The following APBA2 variants were observed in gnomAD, a reference collection of about 807,000 sequenced individuals.
APBA2 encodes the protein amyloid beta precursor protein binding family A member 2.
A neutral mutation model predicts 75.0 loss-of-function variants in APBA2; 30 were observed. The observed-to-expected ratio is 0.40, with a 90% CI of 0.30 to 0.54. The LOEUF (loss-of-function observed/expected upper bound fraction) is 0.54. APBA2 is among the 20% of genes least tolerant of loss of function. The pLI is 0.49. For missense variants in APBA2, 801 were observed against 1,016.1 expected (o/e 0.79, Z 2.88); for synonymous variants, 444 against 409.6 (o/e 1.08, Z -1.01).
intron 2 of APBA2, among the ~76,000 whole-genome samples, chr15:28,948,642 C>G (rs1285700526): frequency 6.6e-6 from 1 of 152,190 alleles, no homozygotes; most frequent in African/African-American, 2.4e-5. Context: ...CTGTCGTGTT[C>G]TGTCTGTGTC....
intron 4 of APBA2, among the ~76,000 whole-genome samples, chr15:29,060,544 T>C (rs139699186): frequency 9.5e-4 from 144 of 152,304 alleles, no homozygotes; most frequent in Non-Finnish European, 2.0e-3. Flanking sequence ...TCTCTTCTCC[T>C]CTGTTGTCTG....
rs563960469 is a variant in APBA2, at chr15:29,046,638, T to C, written c.-40-7207T>C. ...TGAGAACCACCTGCAGCTCTAGACC[T>C]GGCCTTTGGCCCACAACCTTGGAAT... On this transcript the variant is annotated intron_variant, in intron 3 of 14. Transcript: ENST00000683413. This position sits in a 1 kb window ranked among gnomAD's most constrained non-coding sequence, Gnocchi z 5.0. 3.3e-5 allele frequency among the ~76,000 whole-genome samples: 5 copies of C among 152,262 alleles called. No homozygotes were observed. Among genetic ancestry groups the C allele is most frequent in the African/African-American group, 7.2e-5 (3 of 41,480 alleles).
intron 13 of APBA2, among the ~76,000 whole-genome samples, chr15:29,111,563 C>T (rs1378417328): frequency 6.6e-6 from 1 of 152,194 alleles, no homozygotes; most frequent in African/African-American, 2.4e-5. Context: ...CAGTCACCAT[C>T]TCTGAGTGGC....
Position 29,061,086 on chromosome 15 carries a change from G to A in APBA2, c.951+6251G>A, listed in dbSNP as rs190872416. Reference sequence around the variant, plus strand: ...CACACTCCTGGGGGGCACCATAAGAGCGTTTGTCCAGCACCAAAGATCCTA... The same window carrying A: ...CACACTCCTGGGGGGCACCATAAGAACGTTTGTCCAGCACCAAAGATCCTA... On this transcript the variant is annotated intron_variant, in intron 4 of 14. Transcript: ENST00000683413. Among the ~76,000 whole-genome samples the A allele has an allele frequency of 2.0e-3, 300 of 152,314 alleles. 2 individuals carry two copies. The highest frequency in any genetic ancestry group is 6.8e-3 in the African/African-American group (283 of 41,570).
chr15:29,067,680 C>T (rs1181067182), intron 4 of APBA2, among the ~76,000 whole-genome samples: 1 of 152,210 alleles, frequency 6.6e-6, no homozygotes, highest in African/African-American at 2.4e-5. Flanking sequence ...GCCATCCTCT[C>T]GCCTTTTCCA....
At chr15:29,027,947 AT>A (rs1428809363) in intron 3 of APBA2, among the ~76,000 whole-genome samples, 1 of 144,880 alleles carries the variant, frequency 6.9e-6, no homozygotes. Flanking sequence ...TTTCACTTTT[AT>A]TTCTTAGACT....
At chr15:29,076,210 G>T (rs2042844171) in intron 6 of APBA2, 119 bp downstream of exon 6, 2 of 1,102,554 alleles carry the variant, frequency 1.8e-6, no homozygotes, top group Non-Finnish European at 1.4e-6. Context: ...CTACCTACCA[G>T]CAAGGTGCTT....
intron 13 of APBA2, among the ~76,000 whole-genome samples, chr15:29,109,731 A>G (rs534259174): frequency 2.0e-5 from 3 of 152,322 alleles, no homozygotes; most frequent in Non-Finnish European, 4.4e-5. Context: ...AGCGTCAGCC[A>G]TACCTTCCCT....
chr15:28,957,096 G>A (rs2036209057), intron 2 of APBA2, among the ~76,000 whole-genome samples: 1 of 151,378 alleles, frequency 6.6e-6, no homozygotes, highest in South Asian at 2.1e-4. Context: ...CTTTTGAGAT[G>A]GAGTCTCGTT....
chr15:29,045,622 C>T (rs144858606), intron 3 of APBA2, among the ~76,000 whole-genome samples: 26 of 152,160 alleles, frequency 1.7e-4, no homozygotes, highest in East Asian at 3.9e-4. Flanking sequence ...TGTTGCTTAC[C>T]GCATGTTAAA....
Position 29,117,848 on chromosome 15 carries a change from TC to T in APBA2, c.*718del, listed in dbSNP as rs2152991478. On this transcript the variant is annotated 3_prime_UTR_variant, in exon 15 of 15. Coordinates refer to ENST00000683413, the MANE Select transcript of APBA2 (RefSeq NM_001353788.2). ...CTCCCGTCGTCTCTTCTGGGCACCC[TC>T]CCACCCGGCTGCATACCCGGGCAGG... 1 of 152,052 alleles carries T rather than the reference TC, an allele frequency of 6.6e-6. No individual in the cohort carries two copies. Among genetic ancestry groups the T allele is most frequent in the South Asian group, 2.1e-4 (1 of 4,802 alleles). The allele number at this position is 152,052 out of a possible 1,614,324, so 9.4% of individuals were successfully genotyped here.
chr15:29,076,714 C>T (rs1179220265), intron 6 of APBA2, among the ~76,000 whole-genome samples: 1 of 152,176 alleles, frequency 6.6e-6, no homozygotes, highest in East Asian at 1.9e-4. Flanking sequence ...TCTGTCTTTG[C>T]CAGGAGGATG....
At chr15:29,109,948 A>AGGACAGTGC (rs887741048) in intron 13 of APBA2, among the ~76,000 whole-genome samples, 2 of 148,896 alleles carry the variant, frequency 1.3e-5, no homozygotes, top group African/African-American at 5.2e-5. Context: ...TTGGGACTTC[A>AGGACAGTGC]GGACAGTGCG....
chr15:28,910,782 G>A (rs1355083168), intron 1 of APBA2, among the ~76,000 whole-genome samples: 1 of 152,170 alleles, frequency 6.6e-6, no homozygotes, highest in East Asian at 1.9e-4. Context: ...TTTTGATACA[G>A]CCGTGTCAGT....
intron 2 of APBA2, among the ~76,000 whole-genome samples, chr15:28,980,162 T>G (rs1000710945): frequency 3.3e-5 from 5 of 152,176 alleles, no homozygotes; most frequent in Admixed American, 3.3e-4. Context: ...CCAGAAAAGA[T>G]CTGATTGAAT....
At chr15:29,078,929 A>G (rs573104472) in intron 6 of APBA2, among the ~76,000 whole-genome samples, 3 of 152,294 alleles carry the variant, frequency 2.0e-5, no homozygotes, top group Admixed American at 6.5e-5. Context: ...TACCTTTCAT[A>G]GTGTGCTCCC....
chr15:29,078,483 T>A (rs2042944807), intron 6 of APBA2, among the ~76,000 whole-genome samples: 1 of 149,920 alleles, frequency 6.7e-6, no homozygotes. Flanking sequence ...TGGTGGCGTG[T>A]GCCTGTAGTC....
intron 3 of APBA2, among the ~76,000 whole-genome samples, chr15:29,014,290 C>T (rs551554934): frequency 2.6e-5 from 4 of 152,378 alleles, no homozygotes; most frequent in African/African-American, 9.6e-5. Flanking sequence ...GGTATACTCT[C>T]TTCCAGATCT....
In APBA2 at chr15:29,117,369, T is replaced by C. The variant is rs965453893; in HGVS notation, c.*236T>C. On this transcript the variant is annotated 3_prime_UTR_variant, in exon 15 of 15. Coordinates refer to ENST00000683413, the MANE Select transcript of APBA2 (RefSeq NM_001353788.2). ...TTTGTTTGTAAAGCGTTCCAAGTAT[T>C]TTGCCACGTTCTGGACTGTCTTCTC... 1.5e-5 allele frequency: 9 copies of C among 584,348 alleles called. No individual in the cohort carries two copies. The highest frequency in any genetic ancestry group is 9.3e-5 in the African/African-American group (5 of 53,532). 36.2% of individuals were successfully genotyped at this position (584,348 alleles called of 1,614,324 possible).
Sources: gnomAD v4.1 joint callset for allele counts (sites outside exome capture counted in the v4.1 genomes callset) on GRCh38, gnomAD v4.1.1 for gene constraint, Gnocchi (gnomAD v3.1) non-coding constraint, MANE v1.5 for transcripts, NCBI Gene and HGNC (gene_info 2026-07-23, HGNC 2026-07-21) for gene names.